GDI2: variants seen among roughly 807,000 people sequenced by gnomAD.
The protein encoded by GDI2 is GDP dissociation inhibitor 2, also known as rab GDP dissociation inhibitor beta.
Under a neutral mutation model 54.2 loss-of-function variants are expected in GDI2, and 22 were observed. That is an observed-to-expected ratio of 0.41 (90% CI 0.29 to 0.58). GDI2 has a LOEUF of 0.58. Among genes scored for constraint, GDI2 ranks in the 20% least tolerant of loss-of-function variants. The pLI is 0.35. For missense variants in GDI2, 422 were observed against 546.0 expected (o/e 0.77, Z 2.26); for synonymous variants, 177 against 182.1 (o/e 0.97, Z 0.23).
Position 5,776,201 on chromosome 10 carries a change from G to T in GDI2, c.720-2260C>A. 1 of 383,470 alleles carries T rather than the reference G, an allele frequency of 2.6e-6. No individual in the cohort carries two copies. Among genetic ancestry groups the T allele is most frequent in the Non-Finnish European group, 5.1e-6 (1 of 197,024 alleles). 23.8% of individuals were successfully genotyped at this position (383,470 alleles called of 1,614,324 possible). ...GCCGTGAAGCTGACAGTCTGAGCAGGCTCATTTTTCACTGGAATTGCAAAG... is the reference window on the plus strand; with the variant it reads ...GCCGTGAAGCTGACAGTCTGAGCAGTCTCATTTTTCACTGGAATTGCAAAG... On this transcript the variant is annotated intron_variant, in intron 6 of 10. Coordinates refer to ENST00000380191, the MANE Select transcript of GDI2 (RefSeq NM_001494.4). The surrounding 1 kb of genome is among the most constrained non-coding windows in gnomAD (Gnocchi z 5.3).
At chr10:5,798,040 T>G (rs1379987606) in intron 2 of GDI2, among the ~76,000 whole-genome samples, 2 of 152,172 alleles carry the variant, frequency 1.3e-5, no homozygotes, top group Non-Finnish European at 2.9e-5. Context: ...CTGCATACAT[T>G]TTGGTGAGTC....
chr10:5,800,793 T>C (rs2131714936), intron 1 of GDI2, 88 bp from the exon 2 acceptor site: 1 of 760,428 alleles, frequency 1.3e-6, no homozygotes. Context: ...TTACACATTC[T>C]CTTAGTAATT....
rs572632110 is a variant in GDI2, at chr10:5,811,103, T to A, written c.45+2111A>T. On this transcript the variant is annotated intron_variant, in intron 1 of 10. Coordinates refer to ENST00000380191, the MANE Select transcript of GDI2 (RefSeq NM_001494.4). ...TTTGGTTTTCTCTTCTTCTAATTTT[T>A]AATCATCTAATTCCTGGTAACACTA... Among the ~76,000 whole-genome samples, 41 of 152,382 alleles carry A rather than the reference T, an allele frequency of 2.7e-4. No homozygotes were observed. The South Asian group carries it at 8.5e-3, about 32-fold the overall frequency.
chr10:5,800,282 A>C (rs906550128), intron 2 of GDI2, among the ~76,000 whole-genome samples: 4 of 152,198 alleles, frequency 2.6e-5, no homozygotes, highest in Admixed American at 2.6e-4. Context: ...AGATTAAAAA[A>C]AAAATCTTTG....
chr10:5,799,534 C>T (rs987843078), intron 2 of GDI2, among the ~76,000 whole-genome samples: 9 of 152,176 alleles, frequency 5.9e-5, no homozygotes, highest in African/African-American at 2.2e-4. Context: ...CGCCTTTAAT[C>T]CCAGCTACTT....
At chr10:5,775,774 TGCTTACTCC>T (rs1840604774) in intron 6 of GDI2, among the ~76,000 whole-genome samples, 1 of 152,204 alleles carries the variant, frequency 6.6e-6, no homozygotes, top group South Asian at 2.1e-4. Context: ...CAAAGGAGCT[TGCTTACTCC>T]AGAGGAGTAA....
intron 7 of GDI2, among the ~76,000 whole-genome samples, chr10:5,770,906 C>CAGTG (rs1840474259): frequency 7.6e-6 from 1 of 130,980 alleles, no homozygotes; most frequent in Admixed American, 9.5e-5. Context: ...GCAGAGGTTG[C>CAGTG]AGTGAGCCAA....
At chr10:5,786,486 T>C (rs796738649) in intron 4 of GDI2, among the ~76,000 whole-genome samples, 46 of 152,260 alleles carry the variant, frequency 3.0e-4, no homozygotes, top group African/African-American at 1.1e-3. Context: ...CAATTTAAGA[T>C]ATGGGAGTTT....
intron 7 of GDI2, among the ~76,000 whole-genome samples, chr10:5,772,431 C>G (rs1203776986): frequency 6.6e-6 from 1 of 152,122 alleles, no homozygotes; most frequent in Admixed American, 6.5e-5. Flanking sequence ...AAGAAGTTGC[C>G]TAAAATATAT....
At chr10:5,767,462 T>C (rs773871392) in intron 8 of GDI2, among the ~76,000 whole-genome samples, 20 of 152,128 alleles carry the variant, frequency 1.3e-4, no homozygotes, top group Non-Finnish European at 2.5e-4. Flanking sequence ...TACAGGTGTG[T>C]GCCACCACAC....
chr10:5,774,323 AAGAACTGAGGTTGCTGC>A lies in GDI2; in HGVS notation c.720-399_720-383del, dbSNP rs1338330212. Among the ~76,000 whole-genome samples the A allele has an allele frequency of 5.9e-5, 9 of 152,074 alleles. No individual in the cohort carries two copies. Among genetic ancestry groups the A allele is most frequent in the Admixed American group, 5.9e-4 (9 of 15,258 alleles). ...TGGTCATTCTTTCTTCTGAGGAGAAAAGAACTGAGGTTGCTGCAGACCCGTACGGATTCATCTCAGCA... is the reference window on the plus strand; with the variant it reads ...TGGTCATTCTTTCTTCTGAGGAGAAAAGACCCGTACGGATTCATCTCAGCA... On this transcript the variant is annotated intron_variant, in intron 6 of 10. Transcript: ENST00000380191. The surrounding 1 kb of genome is among the most constrained non-coding windows in gnomAD (Gnocchi z 4.8).
intron 4 of GDI2, among the ~76,000 whole-genome samples, chr10:5,793,064 A>T (rs999241679): frequency 1.3e-5 from 2 of 152,048 alleles, no homozygotes; most frequent in African/African-American, 4.8e-5. Context: ...ATGCAATCAC[A>T]GCTCACTGCA....
rs865994498 is a variant in GDI2, at chr10:5,813,130, G to T, written c.45+84C>A. On this transcript the variant is annotated intron_variant, in intron 1 of 10. Coordinates refer to ENST00000380191, the MANE Select transcript of GDI2 (RefSeq NM_001494.4). ...CTGACGGCAGAACGAGACCCCCGAGGAGCTGCGACCCGCGGGCCGTGCAGG... is the reference window on the plus strand; with the variant it reads ...CTGACGGCAGAACGAGACCCCCGAGTAGCTGCGACCCGCGGGCCGTGCAGG... 3.8e-6 allele frequency: 3 copies of T among 788,224 alleles called. No homozygotes were observed. The African/African-American group carries it at 5.5e-5, about 14-fold the overall frequency. The allele number at this position is 788,224 out of a possible 1,614,324, so 48.8% of individuals were successfully genotyped here.
At chr10:5,803,237 C>A (rs1477527328) in intron 1 of GDI2, among the ~76,000 whole-genome samples, 1 of 152,138 alleles carries the variant, frequency 6.6e-6, no homozygotes, top group Admixed American at 6.6e-5. Flanking sequence ...GTCTGGGCAA[C>A]AGGGCAAAAC....
chr10:5,785,199 T>C lies in GDI2; in HGVS notation c.662A>G (p.Lys221Arg). 1.2e-6 allele frequency: 2 copies of C among 1,607,838 alleles called. No homozygotes were observed. The highest frequency in any genetic ancestry group is 1.7e-6 in the Non-Finnish European group (2 of 1,174,456). The part of the protein sequence containing the change: ...LYSESLARYG[K>R]SPYLYPLYGL... ...ATAGAGTGGATAAAGGTATGGGCTT[T>C]TGCCATATCTTGCCAAAGATTCACT... is the stretch of plus-strand genomic sequence containing the variant. The change falls in exon 6 of 11, where the codon AAA (lysine) becomes AGA (arginine). Residue 221 changes from lysine to arginine, a missense_variant. By Grantham distance (26) the Lys-to-Arg change is conservative. Transcript: ENST00000380191.
intron 1 of GDI2, among the ~76,000 whole-genome samples, chr10:5,808,834 C>T (rs1841431352): frequency 4.6e-5 from 7 of 151,266 alleles, no homozygotes; most frequent in Admixed American, 4.6e-4. Context: ...GAGAAATTAA[C>T]CAGAAAAATT....
intron 4 of GDI2, among the ~76,000 whole-genome samples, chr10:5,794,189 ATATATAT>A (rs1195762665): frequency 0.049 from 1,652 of 33,644 alleles, 36 homozygotes; most frequent in Middle Eastern, 0.088. Flanking sequence ...AAAAAAAAAA[ATATATAT>A]ATATATATAT....
intron 3 of GDI2, 40 bp from the exon 4 acceptor site, chr10:5,795,059 T>C (rs1429099971): frequency 3.7e-6 from 5 of 1,358,430 alleles, no homozygotes; most frequent in Non-Finnish European, 5.2e-6. Flanking sequence ...CTTAAGTCTA[T>C]AAATTATAAA....
chr10:5,785,146 C>T lies in GDI2; in HGVS notation c.715G>A (p.Ala239Thr), dbSNP rs367780908. 8.2e-6 allele frequency: 13 copies of T among 1,585,246 alleles called. No homozygotes were observed. In the African/African-American group the frequency reaches 1.2e-4, roughly 15 times the overall value. The change falls in exon 6 of 11, where the codon GCA (alanine) becomes ACA (threonine). Residue 239 changes from alanine to threonine, a missense_variant. Coordinates refer to ENST00000380191, the MANE Select transcript of GDI2 (RefSeq NM_001494.4). ...GTTTTAAACACAGGCTCTTACCTTG[C>T]AAATCCTTGGGGCAGTTCTCCAAGG... Reference protein sequence around the residue: ...YGLGELPQGFARLSAIYGGTY... With the variant: ...YGLGELPQGFTRLSAIYGGTY...
Sources: gnomAD v4.1 joint callset for allele counts (sites outside exome capture counted in the v4.1 genomes callset) on GRCh38, gnomAD v4.1.1 for gene constraint, Gnocchi (gnomAD v3.1) non-coding constraint, MANE v1.5 for transcripts, NCBI Gene and HGNC (gene_info 2026-07-23, HGNC 2026-07-21) for gene names.